TSHZ2: variants seen among roughly 807,000 people sequenced by gnomAD.
TSHZ2 encodes the protein teashirt zinc finger homeobox 2.
Under a neutral mutation model 74.4 loss-of-function variants are expected in TSHZ2, and 21 were observed. The ratio of observed to expected loss-of-function variants is 0.28; its 90% confidence interval spans 0.20 to 0.41. The LOEUF (loss-of-function observed/expected upper bound fraction) is 0.41, where lower values mean the gene tolerates loss of function less well. Ranked by LOEUF, TSHZ2 falls within the 10% of genes least tolerant of loss-of-function variation. TSHZ2 has a pLI of 1.00. For synonymous variants in TSHZ2, 540 were observed against 515.3 expected, an observed-to-expected ratio of 1.05 and a Z score of -0.65; for missense variants, 1,244 against 1,293.5, an observed-to-expected ratio of 0.96 and a Z score of 0.59.
intron 1 of TSHZ2, among the ~76,000 whole-genome samples, chr20:53,143,092 G>C (rs1297272645): frequency 6.6e-6 from 1 of 152,148 alleles, no homozygotes; most frequent in Non-Finnish European, 1.5e-5. Context: ...CAGTTTACCA[G>C]ATGAGGCATA....
At chr20:53,192,731 T>C (rs73148617) in intron 1 of TSHZ2, among the ~76,000 whole-genome samples, 6,743 of 152,296 alleles carry the variant, frequency 0.044, 462 homozygotes, top group East Asian at 0.33. Context: ...GGTCTCTGGC[T>C]TCTCATTGGC....
intron 1 of TSHZ2, among the ~76,000 whole-genome samples, chr20:53,247,751 T>A (rs1990240590): frequency 6.6e-6 from 1 of 152,304 alleles, no homozygotes; most frequent in Non-Finnish European, 1.5e-5. Flanking sequence ...GCGAAAACGA[T>A]CCTGTCACCA....
At chr20:53,438,434 A>C (rs569093602) in intron 2 of TSHZ2, among the ~76,000 whole-genome samples, 2 of 152,170 alleles carry the variant, frequency 1.3e-5, no homozygotes, top group Non-Finnish European at 2.9e-5. Flanking sequence ...AGAAACCTCC[A>C]GCAGCCCCAA....
In TSHZ2 at chr20:53,436,550, T is replaced by A. The variant is rs1348471778; in HGVS notation, c.*9-50594T>A. 3.0e-3 allele frequency among the ~76,000 whole-genome samples: 380 copies of A among 127,102 alleles called. 2 individuals are homozygous for A. Among genetic ancestry groups the A allele is most frequent in the African/African-American group, 0.01 (363 of 35,472 alleles). The allele number at this position is 127,102 out of a possible 152,430, so 83.4% of individuals were successfully genotyped here. On this transcript the variant is annotated intron_variant, in intron 2 of 2. Transcript: ENST00000371497. ...TTATTATTATTATTATTATTATTAT[T>A]TTTTTTTTTTTTTTAGATGGAGCCT... is the stretch of plus-strand genomic sequence containing the variant.
At chr20:53,252,791 T>A (rs541976164) in intron 1 of TSHZ2, among the ~76,000 whole-genome samples, 1 of 152,218 alleles carries the variant, frequency 6.6e-6, no homozygotes, top group Non-Finnish European at 1.5e-5. Context: ...AATAATAAGA[T>A]AGTCGCCAAA....
intron 2 of TSHZ2, among the ~76,000 whole-genome samples, chr20:53,369,225 A>G (rs1981380501): frequency 6.6e-6 from 1 of 152,186 alleles, no homozygotes; most frequent in Admixed American, 6.5e-5. Flanking sequence ...AGATTGTGCC[A>G]CTGCACTCCA....
intron 2 of TSHZ2, among the ~76,000 whole-genome samples, chr20:53,375,353 A>G (rs1019021609): frequency 5.3e-5 from 8 of 152,338 alleles, no homozygotes; most frequent in East Asian, 1.9e-4. Context: ...TACACAGTCT[A>G]TGTACTTCTA....
chr20:53,451,058 T>C (rs1399901124), intron 2 of TSHZ2, among the ~76,000 whole-genome samples: 1 of 152,154 alleles, frequency 6.6e-6, no homozygotes, highest in African/African-American at 2.4e-5. Context: ...CTGAAAAAAG[T>C]TGACTGAAAC....
intron 2 of TSHZ2, among the ~76,000 whole-genome samples, chr20:53,459,915 C>T (rs1034945048): frequency 2.6e-5 from 4 of 152,280 alleles, no homozygotes; most frequent in African/African-American, 9.6e-5. Flanking sequence ...AGGGTTTCTG[C>T]CGAGAGATCC....
chr20:53,206,164 A>T (rs1989163502), intron 1 of TSHZ2, among the ~76,000 whole-genome samples: 1 of 152,226 alleles, frequency 6.6e-6, no homozygotes, highest in Non-Finnish European at 1.5e-5. Flanking sequence ...GGTTGCAGTG[A>T]GCCAACATTG....
At chr20:53,295,078 T>C (rs374355351) in intron 2 of TSHZ2, among the ~76,000 whole-genome samples, 14 of 152,318 alleles carry the variant, frequency 9.2e-5, no homozygotes, top group African/African-American at 3.1e-4. Context: ...TAGTCATTGG[T>C]TTTTAATTTT....
At position 53,494,278 on chromosome 20, in the gene TSHZ2, A is replaced by G. The variant is rs893319919; in HGVS notation, c.*7143A>G. The G allele has an allele frequency of 2.7e-5, 4 of 149,926 alleles. No individual in the cohort carries two copies. The highest frequency in any genetic ancestry group is 1.3e-4 in the Admixed American group (2 of 15,044). The allele number at this position is 149,926 out of a possible 1,614,324, so 9.3% of individuals were successfully genotyped here. Reference sequence around the variant, plus strand: ...ACTCCAGCCTGGGCAACAGAGCAAGACTGTGTCTCAAAAAAAAAAAAAAGA... The same window carrying G: ...ACTCCAGCCTGGGCAACAGAGCAAGGCTGTGTCTCAAAAAAAAAAAAAAGA... On this transcript the variant is annotated 3_prime_UTR_variant, in exon 3 of 3. Transcript: ENST00000371497.
intron 2 of TSHZ2, among the ~76,000 whole-genome samples, chr20:53,322,045 G>A (rs907299661): frequency 3.9e-5 from 6 of 152,168 alleles, no homozygotes; most frequent in African/African-American, 1.4e-4. Flanking sequence ...ACTTTGGGCC[G>A]GTGGATCTCA....
intron 1 of TSHZ2, among the ~76,000 whole-genome samples, chr20:53,111,217 G>A (rs1986526347): frequency 6.6e-6 from 1 of 152,300 alleles, no homozygotes; most frequent in South Asian, 2.1e-4. Context: ...TCTACATGAG[G>A]CTCTCAGACG....
chr20:53,190,446 T>C (rs1988712459), intron 1 of TSHZ2, among the ~76,000 whole-genome samples: 1 of 151,658 alleles, frequency 6.6e-6, no homozygotes, highest in Non-Finnish European at 1.5e-5. Flanking sequence ...AGGGCGAGGG[T>C]GCCTCTTGCT....
At chr20:53,377,964 A>G (rs913821476) in intron 2 of TSHZ2, among the ~76,000 whole-genome samples, 4 of 152,188 alleles carry the variant, frequency 2.6e-5, no homozygotes, top group Non-Finnish European at 5.9e-5. Context: ...CTCTCTTTCC[A>G]CTACGGGAAA....
chr20:53,437,684 A>G (rs1051500123), intron 2 of TSHZ2, among the ~76,000 whole-genome samples: 1 of 152,096 alleles, frequency 6.6e-6, no homozygotes, highest in African/African-American at 2.4e-5. Context: ...TTGAAATGTG[A>G]TCCCCAATGT....
chr20:53,321,423 C>T lies in TSHZ2; in HGVS notation c.*8+64852C>T, dbSNP rs6097360. The stretch of plus-strand genomic sequence containing the variant: ...ATTCCTTGTCAGGTGCGGTGGCTCA[C>T]GCCTGTAATCCCAGCACTTTGGGCA... On this transcript the variant is annotated intron_variant, in intron 2 of 2. Coordinates refer to ENST00000371497, the MANE Select transcript of TSHZ2 (RefSeq NM_173485.6). 9.3e-3 allele frequency among the ~76,000 whole-genome samples: 1,413 copies of T among 152,084 alleles called. 25 individuals are homozygous for T. The highest frequency in any genetic ancestry group is 0.032 in the African/African-American group (1,335 of 41,486).
chr20:53,027,782 C>A (rs1170339635), intron 1 of TSHZ2, among the ~76,000 whole-genome samples: 1 of 152,026 alleles, frequency 6.6e-6, no homozygotes, highest in Non-Finnish European at 1.5e-5. Flanking sequence ...AATGTAGAGA[C>A]CCTGAAGGGA....
Sources: allele counts gnomAD v4.1 joint callset (sites outside exome capture counted in the v4.1 genomes callset), GRCh38; gene constraint gnomAD v4.1.1; transcripts MANE v1.5; gene names NCBI Gene and HGNC (gene_info 2026-07-23, HGNC 2026-07-21).